The following DPP6 variants were observed in gnomAD, a reference collection of about 807,000 sequenced individuals.
DPP6 encodes the protein A-type potassium channel modulatory protein DPP6.
Under a neutral mutation model 122.6 loss-of-function variants are expected in DPP6, and 69 were observed. The ratio of observed to expected loss-of-function variants is 0.56; its 90% confidence interval spans 0.46 to 0.69. DPP6 has a LOEUF of 0.69. Among genes scored for constraint, DPP6 ranks in the 30% least tolerant of loss-of-function variants. DPP6 has a pLI of 0.00. For missense variants in DPP6, 928 were observed against 1,116.9 expected (o/e 0.83, Z 2.41); for synonymous variants, 418 against 433.1 (o/e 0.97, Z 0.43).
chr7:153,757,321 C>T, the DPP6 span, among the ~76,000 whole-genome samples: 2 of 152,176 alleles, frequency 1.3e-5, no homozygotes, highest in African/African-American at 4.8e-5. Flanking sequence ...TTTAAAATTA[C>T]ATCTGACAAA....
In DPP6 at chr7:153,914,065, A is replaced by G. The variant is rs532158915; in HGVS notation, c.51+26331A>G. Among the ~76,000 whole-genome samples the G allele has an allele frequency of 1.1e-4, 16 of 152,260 alleles. No individual in the cohort carries two copies. The South Asian group carries it at 3.1e-3, about 30-fold the overall frequency. Reference sequence around the variant, plus strand: ...AATCTCATCTTGAATTGTAGCTCCCATAATTCCCACGTGTTGTGGGAGGGA... The same window carrying G: ...AATCTCATCTTGAATTGTAGCTCCCGTAATTCCCACGTGTTGTGGGAGGGA... On this transcript the variant is annotated intron_variant, in intron 1 of 25. Coordinates refer to the DPP6 transcript ENST00000404039.
intron 1 of DPP6, among the ~76,000 whole-genome samples, chr7:154,428,264 C>A (rs1401006021): frequency 6.6e-6 from 1 of 152,148 alleles, no homozygotes; most frequent in Non-Finnish European, 1.5e-5. Flanking sequence ...GAATAATTGA[C>A]TTCTAGGCAT....
intron 7 of DPP6, among the ~76,000 whole-genome samples, chr7:154,675,891 C>T (rs1330846378): frequency 6.6e-6 from 1 of 152,214 alleles, no homozygotes; most frequent in East Asian, 1.9e-4. Context: ...TCACCAAGAT[C>T]CTTAGATCCT....
At chr7:154,401,726 C>T (rs375660284) in intron 1 of DPP6, among the ~76,000 whole-genome samples, 1 of 152,274 alleles carries the variant, frequency 6.6e-6, no homozygotes, top group East Asian at 1.9e-4. Context: ...GCAATGGCAA[C>T]CAAAGCCAAA....
At chr7:154,829,621 C>T (rs911892534) in intron 16 of DPP6, among the ~76,000 whole-genome samples, 18 of 152,272 alleles carry the variant, frequency 1.2e-4, no homozygotes, top group African/African-American at 3.6e-4. Flanking sequence ...AGAGTAATAT[C>T]GGCTCAATGG....
chr7:154,233,446 C>T (rs1316555953), intron 1 of DPP6, among the ~76,000 whole-genome samples: 1 of 152,122 alleles, frequency 6.6e-6, no homozygotes, highest in Non-Finnish European at 1.5e-5. Flanking sequence ...AGTCCTAACC[C>T]CCGGTGACTG....
intron 1 of DPP6, among the ~76,000 whole-genome samples, chr7:154,298,256 G>GTC (rs145171656): frequency 5.1e-5 from 5 of 98,880 alleles, no homozygotes; most frequent in South Asian, 2.8e-4. Context: ...TTAAAAATCT[G>GTC]TCTCTCTCTC....
intron 8 of DPP6, among the ~76,000 whole-genome samples, chr7:154,740,920 C>A (rs1463331602): frequency 1.3e-5 from 2 of 152,172 alleles, no homozygotes; most frequent in Non-Finnish European, 2.9e-5. Flanking sequence ...CCTTTACTCC[C>A]CATTTTTTTC....
chr7:154,608,342 T>TATATATATATATATATATATATATATCTA (rs59731169), intron 5 of DPP6, among the ~76,000 whole-genome samples: 1 of 127,426 alleles, frequency 7.8e-6, no homozygotes, highest in Non-Finnish European at 1.6e-5. Context: ...TATATATATA[T>TATATATATATATATATATATATATATCTA]TTTGAGATGG....
intron 1 of DPP6, among the ~76,000 whole-genome samples, chr7:154,135,850 CTCTG>C (rs1028782133): frequency 6.9e-6 from 1 of 145,866 alleles, no homozygotes; most frequent in Non-Finnish European, 1.5e-5. Context: ...ACCACTTTCT[CTCTG>C]TGCACTTCCT....
At chr7:154,198,757 CAG>C (rs1799007471) in intron 1 of DPP6, among the ~76,000 whole-genome samples, 1 of 152,156 alleles carries the variant, frequency 6.6e-6, no homozygotes, top group African/African-American at 2.4e-5. Context: ...ATGTGGATAT[CAG>C]AGGATTCAGA....
At chr7:153,792,548 C>T in the DPP6 span, among the ~76,000 whole-genome samples, 62,587 of 150,874 alleles carry the variant, frequency 0.41, 11,100 homozygotes, top group Middle Eastern at 0.49. Context: ...TGTAAGGCTA[C>T]TCAAATATAC....
rs1254848774 is a variant in DPP6 at position 154,145,654 on chromosome 7, T to C, written c.243+92591T>C. ...ACGGAGGTGGAGTAGGGGGCCTGGC[T>C]CTGCAGCTGGGGCATCGCAGACAGC... On this transcript the variant is annotated intron_variant, in intron 1 of 25. Coordinates refer to ENST00000377770, the MANE Select transcript of DPP6 (RefSeq NM_130797.4). Among the ~76,000 whole-genome samples the C allele has an allele frequency of 2.3e-5, 3 of 128,990 alleles. No homozygotes were observed. The East Asian group carries it at 7.1e-4, about 30-fold the overall frequency. The allele number at this position is 128,990 out of a possible 152,430, so 84.6% of individuals were successfully genotyped here.
At chr7:154,888,827 G>A (rs567963859) in intron 23 of DPP6, among the ~76,000 whole-genome samples, 159 of 152,322 alleles carry the variant, frequency 1.0e-3, no homozygotes, top group Non-Finnish European at 1.8e-3. Flanking sequence ...CACATGGCTG[G>A]GGAAGCCTCA....
intron 1 of DPP6, among the ~76,000 whole-genome samples, chr7:153,890,164 A>T (rs1357490712): frequency 2.0e-5 from 3 of 152,244 alleles, no homozygotes; most frequent in African/African-American, 7.2e-5. Context: ...AGCTACAAAA[A>T]GTGGCAGAAT....
At chr7:154,355,961 A>G (rs1811239654) in intron 1 of DPP6, among the ~76,000 whole-genome samples, 1 of 152,234 alleles carries the variant, frequency 6.6e-6, no homozygotes, top group African/African-American at 2.4e-5. Context: ...TTTCCAATCC[A>G]TGAATGTGAT....
chr7:154,575,268 T>C, intron 5 of DPP6, among the ~76,000 whole-genome samples: 1 of 121,062 alleles, frequency 8.3e-6, no homozygotes, highest in South Asian at 2.9e-4. Context: ...GTGTATGTGG[T>C]ATGTGTATGT....
At chr7:153,749,117 C>T in the DPP6 span, among the ~76,000 whole-genome samples, 1 of 152,058 alleles carries the variant, frequency 6.6e-6, no homozygotes, top group Non-Finnish European at 1.5e-5. This position sits in a 1 kb window ranked among gnomAD's most constrained non-coding sequence, Gnocchi z 4.1. Context: ...GGAGTGTGAG[C>T]AGCCGCTGGT....
At chr7:153,958,686 C>T (rs980570398) in intron 1 of DPP6, among the ~76,000 whole-genome samples, 42 of 152,284 alleles carry the variant, frequency 2.8e-4, no homozygotes, top group Middle Eastern at 3.4e-3. Flanking sequence ...TATCATTGCC[C>T]CATGGCTGGG....
Sources: allele counts gnomAD v4.1 joint callset (sites outside exome capture counted in the v4.1 genomes callset), GRCh38; gene constraint gnomAD v4.1.1; non-coding constraint Gnocchi (gnomAD v3.1); transcripts MANE v1.5; gene names NCBI Gene and HGNC (gene_info 2026-07-23, HGNC 2026-07-21).